LINGO2: variants seen among roughly 807,000 people sequenced by gnomAD.
LINGO2 encodes the protein leucine rich repeat and Ig domain containing 2, also known as leucine-rich repeat and immunoglobulin-like domain-containing nogo receptor-interacting protein 2.
LINGO2 carries 14 observed loss-of-function variants against 30.6 expected under a neutral mutation model. That is an observed-to-expected ratio of 0.46 (90% CI 0.30 to 0.72). The LOEUF is 0.72. Ranked by LOEUF, LINGO2 falls within the 30% of genes least tolerant of loss-of-function variation. The probability of loss-of-function intolerance (pLI) is 0.07; values close to 1 mark genes in which losing one functional copy is unlikely to be tolerated. For synonymous variants in LINGO2, 317 were observed against 288.5 expected (o/e 1.10, Z -1.00); for missense variants, 729 against 751.7 (o/e 0.97, Z 0.35).
chr9:29,118,485 G>A, the LINGO2 span, among the ~76,000 whole-genome samples: 2 of 152,164 alleles, frequency 1.3e-5, no homozygotes, highest in Non-Finnish European at 2.9e-5. Flanking sequence ...CAACGATCTG[G>A]CAGCCGTTCA....
intron 1 of LINGO2, among the ~76,000 whole-genome samples, chr9:28,559,204 C>G (rs865857671): frequency 3.3e-5 from 5 of 152,240 alleles, no homozygotes; most frequent in African/African-American, 1.2e-4. Flanking sequence ...TTGCAGATTA[C>G]TAATACTCTC....
At chr9:28,940,789 C>T in the LINGO2 span, among the ~76,000 whole-genome samples, 1 of 152,106 alleles carries the variant, frequency 6.6e-6, no homozygotes, top group East Asian at 1.9e-4. Context: ...ATAGGCAGCT[C>T]TTATGCAGCC....
At chr9:28,326,654 A>G (rs2134324579) in intron 3 of LINGO2, among the ~76,000 whole-genome samples, 1 of 152,356 alleles carries the variant, frequency 6.6e-6, no homozygotes, top group East Asian at 1.9e-4. Flanking sequence ...TCCTCAGAAC[A>G]TAGCACAGTG....
intron 4 of LINGO2, among the ~76,000 whole-genome samples, chr9:28,048,550 G>A (rs902427810): frequency 8.6e-5 from 13 of 150,708 alleles, no homozygotes; most frequent in African/African-American, 3.2e-4. Flanking sequence ...TTTATTTATA[G>A]TGATCTTATA....
chr9:29,008,747 A>C, the LINGO2 span, among the ~76,000 whole-genome samples: 13 of 152,202 alleles, frequency 8.5e-5, no homozygotes, highest in Admixed American at 8.5e-4. Context: ...GTCTGTTCAT[A>C]TCCTTCACCC....
intron 1 of LINGO2, among the ~76,000 whole-genome samples, chr9:28,479,739 T>C (rs1489820362): frequency 2.0e-5 from 3 of 150,868 alleles, no homozygotes; most frequent in Non-Finnish European, 4.4e-5. Flanking sequence ...TTCAGGAACA[T>C]GTGTCTAGTT....
At chr9:29,184,673 T>G in the LINGO2 span, among the ~76,000 whole-genome samples, 3 of 151,560 alleles carry the variant, frequency 2.0e-5, no homozygotes, top group African/African-American at 7.3e-5. Flanking sequence ...TTTCTCTCCC[T>G]CCCTTCCTCC....
At chr9:28,712,049 C>A in the LINGO2 span, among the ~76,000 whole-genome samples, 1 of 151,698 alleles carries the variant, frequency 6.6e-6, no homozygotes, top group Non-Finnish European at 1.5e-5. Flanking sequence ...GCAAGTCCAG[C>A]AATTATATAA....
At chr9:28,314,015 G>C (rs1026287282) in intron 3 of LINGO2, among the ~76,000 whole-genome samples, 1 of 151,936 alleles carries the variant, frequency 6.6e-6, no homozygotes, top group Non-Finnish European at 1.5e-5. Context: ...CTCACTGCAG[G>C]CTCCACCCCG....
At chr9:28,365,429 C>T (rs576317405) in intron 3 of LINGO2, among the ~76,000 whole-genome samples, 440 of 152,200 alleles carry the variant, frequency 2.9e-3, no homozygotes, top group African/African-American at 0.01. Flanking sequence ...GCTGCAGAGG[C>T]GACCCTATTT....
the LINGO2 span, among the ~76,000 whole-genome samples, chr9:28,937,225 A>G: frequency 6.6e-6 from 1 of 151,686 alleles, no homozygotes; most frequent in Admixed American, 6.6e-5. Context: ...GCCTTAACCC[A>G]TCCCAGTATC....
intron 4 of LINGO2, among the ~76,000 whole-genome samples, chr9:28,236,670 T>C (rs897068133): frequency 5.9e-5 from 9 of 152,070 alleles, no homozygotes; most frequent in African/African-American, 2.2e-4. Flanking sequence ...GTTTGTGAGA[T>C]CTTAAAAATC....
chr9:28,335,057 G>A lies in LINGO2; in HGVS notation c.-246+37779C>T, dbSNP rs72709399. On this transcript the variant is annotated intron_variant, in intron 3 of 5. Transcript: ENST00000379992. ...TGCCTATCCATATTGGTGGAATGAG[G>A]TTCATATTCACTACAATTATAATTA... is the stretch of plus-strand genomic sequence containing the variant. Among the ~76,000 whole-genome samples the A allele has an allele frequency of 6.4e-3, 967 of 152,126 alleles. 7 individuals carry two copies. Among genetic ancestry groups the A allele is most frequent in the Middle Eastern group, 0.024 (7 of 294 alleles).
At chr9:28,212,709 A>G (rs906341863) in intron 4 of LINGO2, among the ~76,000 whole-genome samples, 12 of 151,440 alleles carry the variant, frequency 7.9e-5, no homozygotes, top group Admixed American at 7.3e-4. Flanking sequence ...ATAAAATTAA[A>G]TAAAATTTAA....
chr9:28,722,249 T>C, the LINGO2 span, among the ~76,000 whole-genome samples: 8 of 152,206 alleles, frequency 5.3e-5, no homozygotes, highest in African/African-American at 1.7e-4. Flanking sequence ...CAAGAAATAA[T>C]TGCTACAGAT....
chr9:28,262,077 C>T (rs1822581716), intron 4 of LINGO2, among the ~76,000 whole-genome samples: 1 of 151,916 alleles, frequency 6.6e-6, no homozygotes, highest in African/African-American at 2.4e-5. Flanking sequence ...TTCACCTGCA[C>T]ATGATCTATG....
At chr9:28,638,517 G>C (rs1827400109) in intron 1 of LINGO2, among the ~76,000 whole-genome samples, 3 of 152,116 alleles carry the variant, frequency 2.0e-5, no homozygotes, top group Non-Finnish European at 4.4e-5. Context: ...GGTCTATTCA[G>C]AGATTCAACT....
the LINGO2 span, among the ~76,000 whole-genome samples, chr9:29,190,152 T>C: frequency 6.6e-6 from 1 of 152,174 alleles, no homozygotes; most frequent in East Asian, 1.9e-4. Context: ...AAATTAAAAA[T>C]ATTTAAAAAT....
At chr9:28,266,955 C>T (rs1418336311) in intron 4 of LINGO2, among the ~76,000 whole-genome samples, 1 of 151,958 alleles carries the variant, frequency 6.6e-6, no homozygotes, top group African/African-American at 2.4e-5. Context: ...CTATCTTGGG[C>T]AAACCTGTCA....
Sources: allele counts gnomAD v4.1 joint callset (sites outside exome capture counted in the v4.1 genomes callset), GRCh38; gene constraint gnomAD v4.1.1; transcripts MANE v1.5; gene names NCBI Gene and HGNC (gene_info 2026-07-23, HGNC 2026-07-21).